HSPG2: variants seen among roughly 807,000 people sequenced by gnomAD.
HSPG2 encodes the protein heparan sulfate proteoglycan 2.
Under a neutral mutation model 526.6 loss-of-function variants are expected in HSPG2, and 278 were observed. The observed-to-expected ratio is 0.53, with a 90% confidence interval of 0.48 to 0.58. The LOEUF (loss-of-function observed/expected upper bound fraction) is 0.58. Ranked by LOEUF, HSPG2 falls within the 20% of genes least tolerant of loss-of-function variation. HSPG2 has a pLI of 0.00. For synonymous variants in HSPG2, 2,465 were observed against 2,555.4 expected (o/e 0.96, Z 1.07); for missense variants, 5,354 against 6,099.5 (o/e 0.88, Z 4.07).
Position 21,833,834 on chromosome 1 carries a change from A to T in HSPG2, c.10812T>A (p.Pro3604=). ...CACTTACCTTGCTCCAGCTGATGTC[A>T]GGAGTGGGGTAGCCTGAGGCTATGC... The part of the protein sequence containing the change: ...FPCIASGYPT[P]DISWSKLDGS... Residue 3604 remains proline (P), a synonymous_variant, in exon 78 of 97, where the codon CCT becomes CCA. Coordinates refer to ENST00000374695, the MANE Select transcript of HSPG2 (RefSeq NM_005529.7). 6.2e-7 allele frequency: 1 copy of T among 1,600,310 alleles called. No homozygotes were observed. Among genetic ancestry groups the T allele is most frequent in the Non-Finnish European group, 8.5e-7 (1 of 1,173,056 alleles).
rs1317301437 is a variant in HSPG2, at chr1:21,890,165, A to G, written c.414-24T>C. 6.2e-7 allele frequency: 1 copy of G among 1,613,608 alleles called. No individual in the cohort carries two copies. Among genetic ancestry groups the G allele is most frequent in the Non-Finnish European group, 8.5e-7 (1 of 1,179,864 alleles). ...CCCTGGGGATGGAGACAGGCAGGAG[A>G]GGAGGGTCAGCGAGACACCTGTGTT... On this transcript the variant is annotated intron_variant, in intron 5 of 96. Coordinates refer to ENST00000374695, the MANE Select transcript of HSPG2 (RefSeq NM_005529.7). This position sits in a 1 kb window ranked among gnomAD's most constrained non-coding sequence, Gnocchi z 4.1.
At chr1:21,936,237 AGGTCCTC>A (rs1027592186) in intron 1 of HSPG2, among the ~76,000 whole-genome samples, 2 of 152,060 alleles carry the variant, frequency 1.3e-5, no homozygotes, top group African/African-American at 4.8e-5. Flanking sequence ...AAGTTCACTC[AGGTCCTC>A]AGGGCCTCTG....
rs1013599508 is a variant in HSPG2 at position 21,861,908 on chromosome 1, C to T, written c.4869-65G>A. ...AATCTCCATCTTGCTCCCTTCACTT[C>T]TGCCCCAAAAGCCAGTGCAACGCCT... On this transcript the variant is annotated intron_variant, in intron 38 of 96. Coordinates refer to ENST00000374695, the MANE Select transcript of HSPG2 (RefSeq NM_005529.7). 30 of 1,613,576 alleles carry T rather than the reference C, an allele frequency of 1.9e-5. 1 individual carries two copies. The highest frequency in any genetic ancestry group is 1.3e-4 in the Admixed American group (8 of 60,012).
At position 21,855,905 on chromosome 1, in the gene HSPG2, G is replaced by A; in HGVS notation, c.5583C>T (p.Gly1861=). The A allele has an allele frequency of 6.2e-7, 1 of 1,609,528 alleles. No homozygotes were observed. The highest frequency in any genetic ancestry group is 8.5e-7 in the Non-Finnish European group (1 of 1,179,960). ...GTATLHVQAS[G]TLSAPVVSIH... ...TGGAGACCACGGGGGCGGACAAGGTGCCCGAGGCTGACAAGGGAGGAAAAG... is the reference window on the plus strand; with the variant it reads ...TGGAGACCACGGGGGCGGACAAGGTACCCGAGGCTGACAAGGGAGGAAAAG... The change falls in exon 45 of 97, where the codon GGC becomes GGT. Residue 1861 remains glycine, a synonymous_variant. Coordinates refer to ENST00000374695, the MANE Select transcript of HSPG2 (RefSeq NM_005529.7).
rs1642305263 is a variant in HSPG2, at chr1:21,890,802, C to T, written c.245-108G>A. On this transcript the variant is annotated intron_variant, in intron 3 of 96. Coordinates refer to ENST00000374695, the MANE Select transcript of HSPG2 (RefSeq NM_005529.7). This position sits in a 1 kb window ranked among gnomAD's most constrained non-coding sequence, Gnocchi z 4.1. ...TGGGGGGATGGCCCCCAGAGGCCTC[C>T]CTCGAGGCTGACACCTGTGTGCCCA... 1.2e-6 allele frequency: 1 copy of T among 802,368 alleles called. No individual in the cohort carries two copies. The highest frequency in any genetic ancestry group is 2.1e-6 in the Non-Finnish European group (1 of 471,798). 49.7% of individuals were successfully genotyped at this position (802,368 alleles called of 1,614,324 possible).
chr1:21,854,809 C>T (rs1639205298), intron 48 of HSPG2, 39 bp downstream of exon 48: 2 of 1,612,948 alleles, frequency 1.2e-6, no homozygotes, highest in African/African-American at 2.7e-5. Flanking sequence ...GGAGCCCTGG[C>T]TTGCCCTCCC....
In HSPG2 at chr1:21,847,685, G is replaced by A. The variant is rs375716287; in HGVS notation, c.8025+4C>T. The stretch of plus-strand genomic sequence containing the variant: ...ACCCCCGCTGCTGTGGCTCCACTCT[G>A]TACCTGGTGTCGGGAGGGAAGGCTG... On this transcript the variant is annotated splice_donor_region_variant and intron_variant, in intron 61 of 96. Coordinates refer to ENST00000374695, the MANE Select transcript of HSPG2 (RefSeq NM_005529.7). This position sits in a 1 kb window ranked among gnomAD's most constrained non-coding sequence, Gnocchi z 4.1. 4 of 1,606,540 alleles carry A rather than the reference G, an allele frequency of 2.5e-6. No individual in the cohort carries two copies. The highest frequency in any genetic ancestry group is 1.1e-5 in the South Asian group (1 of 90,066).
intron 1 of HSPG2, among the ~76,000 whole-genome samples, chr1:21,914,639 T>A (rs1367162997): frequency 4.6e-5 from 7 of 152,138 alleles, no homozygotes; most frequent in Non-Finnish European, 8.8e-5. Flanking sequence ...GGCCATGTGA[T>A]CTCAGACCAG....
chr1:21,929,346 C>T (rs1644288435), intron 1 of HSPG2, among the ~76,000 whole-genome samples: 1 of 152,082 alleles, frequency 6.6e-6, no homozygotes, highest in South Asian at 2.1e-4. Flanking sequence ...GGGATGACTG[C>T]CAGGCATGTG....
intron 33 of HSPG2, among the ~76,000 whole-genome samples, chr1:21,871,175 G>A (rs991413695): frequency 6.7e-6 from 1 of 149,990 alleles, no homozygotes; most frequent in Non-Finnish European, 1.5e-5. Context: ...TCACACCATC[G>A]CCACCACCAT....
rs376748881 is a variant in HSPG2, at chr1:21,884,779, C to A, written c.1495G>T (p.Val499Phe). 3 of 1,613,564 alleles carry A rather than the reference C, an allele frequency of 1.9e-6. No individual in the cohort carries two copies. Among genetic ancestry groups the A allele is most frequent in the South Asian group, 2.2e-5 (2 of 91,078 alleles). ...CCTCCGGCAGTACCTCGTTGTGGGA[C>A]GAGCTCAAGGACACCGTCAGGAATG... Reference protein sequence around the residue: ...FGIPDGVLELVPQRGPCPDGH... With the variant: ...FGIPDGVLELFPQRGPCPDGH... The change falls in exon 12 of 97, where the codon GTC becomes TTC. Residue 499 changes from valine (V) to phenylalanine (F), a missense_variant. Physicochemically the swap from Val to Phe is conservative, Grantham distance 50 (BLOSUM62 -1). Transcript: ENST00000374695.
At chr1:21,909,015 G>A (rs1643526300) in intron 1 of HSPG2, among the ~76,000 whole-genome samples, 1 of 152,250 alleles carries the variant, frequency 6.6e-6, no homozygotes, top group South Asian at 2.1e-4. Context: ...GGCTGAGGCA[G>A]GAGAATCGCT....
At chr1:21,915,913 T>C (rs1051304856) in intron 1 of HSPG2, among the ~76,000 whole-genome samples, 2 of 149,430 alleles carry the variant, frequency 1.3e-5, no homozygotes, top group Non-Finnish European at 3.0e-5. Context: ...TAGCTGGGCG[T>C]GGTGGTGTGT....
intron 1 of HSPG2, among the ~76,000 whole-genome samples, chr1:21,923,306 C>T (rs1255349087): frequency 6.6e-6 from 1 of 152,192 alleles, no homozygotes; most frequent in East Asian, 1.9e-4. Flanking sequence ...ACTCGGGAGG[C>T]TGAGGCAGGA....
chr1:21,853,329 C>A (rs1639062415), intron 50 of HSPG2, among the ~76,000 whole-genome samples: 1 of 152,256 alleles, frequency 6.6e-6, no homozygotes, highest in Admixed American at 6.5e-5. Context: ...CCATAGGGAA[C>A]CAGCAAGCTT....
chr1:21,842,903 G>T lies in HSPG2; in HGVS notation c.8777C>A (p.Pro2926His). The T allele has an allele frequency of 6.2e-7, 1 of 1,614,152 alleles. No homozygotes were observed. Among genetic ancestry groups the T allele is most frequent in the Non-Finnish European group, 8.5e-7 (1 of 1,180,022 alleles). The part of the protein sequence containing the change: ...GPIPAPGLAQ[P>H]IYIEASSSHV... ...TGAAGAGGAGGCCTCGATGTAGATG[G>T]GCTGGGCCAGTCCTGGAGCTGTGGG... The change falls in exon 67 of 97, where the codon CCC becomes CAC. Residue 2926 changes from proline to histidine, a missense_variant. Transcript: ENST00000374695.
Position 21,831,202 on chromosome 1 carries a change from G to C in HSPG2, c.11562+13C>G. The C allele has an allele frequency of 6.2e-7, 1 of 1,609,872 alleles. No individual in the cohort carries two copies. The highest frequency in any genetic ancestry group is 8.5e-7 in the Non-Finnish European group (1 of 1,176,280). On this transcript the variant is annotated intron_variant, in intron 84 of 96. Coordinates refer to ENST00000374695, the MANE Select transcript of HSPG2 (RefSeq NM_005529.7). The stretch of plus-strand genomic sequence containing the variant: ...GCCACGGCAGCCAGGTGGTGTGTGG[G>C]GTGTGGGGTCACCTGGCAGGGCCGG...
rs748937733 is a variant in HSPG2, at chr1:21,904,521, C to T, written c.64-8211G>A. ...TGCTAGTCACAGAGGCCAAGTCTCC[C>T]CTGTACCCCCAGAGTCCCTGCACTC... On this transcript the variant is annotated intron_variant, in intron 1 of 96. Coordinates refer to ENST00000374695, the MANE Select transcript of HSPG2 (RefSeq NM_005529.7). The surrounding 1 kb of genome is among the most constrained non-coding windows in gnomAD (Gnocchi z 4.4). 2.0e-5 allele frequency among the ~76,000 whole-genome samples: 3 copies of T among 152,140 alleles called. No individual in the cohort carries two copies. The highest frequency in any genetic ancestry group is 4.8e-5 in the African/African-American group (2 of 41,420).
intron 13 of HSPG2, among the ~76,000 whole-genome samples, chr1:21,882,344 T>C (rs1398914007): frequency 6.6e-6 from 1 of 151,952 alleles, no homozygotes; most frequent in Non-Finnish European, 1.5e-5. Flanking sequence ...ATAAAATGGC[T>C]AGCTCTTATT....
Sources: gnomAD v4.1 joint callset for allele counts (sites outside exome capture counted in the v4.1 genomes callset) on GRCh38, gnomAD v4.1.1 for gene constraint, Gnocchi (gnomAD v3.1) non-coding constraint, MANE v1.5 for transcripts, NCBI Gene and HGNC (gene_info 2026-07-23, HGNC 2026-07-21) for gene names.